The following MAL2 variants were observed in gnomAD, a reference collection of about 807,000 sequenced individuals.
MAL2 encodes protein MAL2.
Under a neutral mutation model 18.1 loss-of-function variants are expected in MAL2, and 17 were observed. The ratio of observed to expected loss-of-function variants is 0.94; its 90% CI spans 0.64 to 1.41. The LOEUF (loss-of-function observed/expected upper bound fraction) is 1.41. MAL2 is among the 40% of genes most tolerant of loss of function. The probability of loss-of-function intolerance (pLI) is 0.00; values close to 1 mark genes in which losing one functional copy is unlikely to be tolerated. For synonymous variants in MAL2, 102 were observed against 102.3 expected (o/e 1.00, Z 0.02); for missense variants, 222 against 231.9 (o/e 0.96, Z 0.28).
intron 2 of MAL2, among the ~76,000 whole-genome samples, chr8:119,233,009 TA>T (rs1469813730): frequency 3.3e-4 from 2 of 5,984 alleles, no homozygotes; most frequent in Non-Finnish European, 0.024. Flanking sequence ...TACTTCCAAC[TA>T]TGTGGTCAAT....
chr8:119,240,455 C>T, intron 3 of MAL2, 135 bp downstream of exon 3: 1 of 910,304 alleles, frequency 1.1e-6, no homozygotes, highest in Non-Finnish European at 1.6e-6. Flanking sequence ...AGCTATTTAT[C>T]TGTACAATAA....
intron 2 of MAL2, among the ~76,000 whole-genome samples, chr8:119,235,593 G>A (rs896533970): frequency 2.0e-4 from 30 of 152,116 alleles, no homozygotes; most frequent in East Asian, 7.7e-4. Context: ...GACTAACAGC[G>A]GGTCTCTTGG....
At chr8:119,234,207 G>C (rs544764894) in intron 2 of MAL2, among the ~76,000 whole-genome samples, 1 of 152,280 alleles carries the variant, frequency 6.6e-6, no homozygotes, top group South Asian at 2.1e-4. Flanking sequence ...CGGACGCACC[G>C]GGAAAATCGG....
In MAL2 at chr8:119,230,447, C is replaced by G. The variant is rs374123720; in HGVS notation, c.303+8690C>G. 3.2e-3 allele frequency among the ~76,000 whole-genome samples: 434 copies of G among 136,702 alleles called. 1 individual carries two copies. The highest frequency in any genetic ancestry group is 0.011 in the African/African-American group (402 of 37,132). 89.7% of individuals were successfully genotyped at this position (136,702 alleles called of 152,430 possible). ...AGCAAAATTGGCAGGATTGGGGGGGCGGGAAGGGGCAAGCAGTAATTGCTT... is the reference window on the plus strand; with the variant it reads ...AGCAAAATTGGCAGGATTGGGGGGGGGGGAAGGGGCAAGCAGTAATTGCTT... On this transcript the variant is annotated intron_variant, in intron 2 of 3. Coordinates refer to ENST00000614891, the MANE Select transcript of MAL2 (RefSeq NM_052886.3).
intron 2 of MAL2, among the ~76,000 whole-genome samples, chr8:119,236,650 G>T (rs959681831): frequency 2.0e-4 from 30 of 151,318 alleles, no homozygotes; most frequent in South Asian, 6.3e-4. Context: ...ACTCAAAACC[G>T]CTCAACTACA....
intron 2 of MAL2, among the ~76,000 whole-genome samples, chr8:119,233,999 C>T (rs1314197191): frequency 1.3e-5 from 2 of 152,120 alleles, no homozygotes; most frequent in African/African-American, 2.4e-5. Context: ...CAGCTCCCAG[C>T]GTGAGTGACG....
chr8:119,235,138 A>G (rs1029678431), intron 2 of MAL2, among the ~76,000 whole-genome samples: 12 of 152,196 alleles, frequency 7.9e-5, no homozygotes, highest in African/African-American at 2.9e-4. Flanking sequence ...CTGAAAACCA[A>G]GGCTCGAGAA....
chr8:119,233,440 AAAG>A (rs1177306716), intron 2 of MAL2, among the ~76,000 whole-genome samples: 5 of 151,914 alleles, frequency 3.3e-5, no homozygotes, highest in African/African-American at 1.2e-4. Context: ...CAAGACTAAT[AAAG>A]AAGAAAAGAG....
chr8:119,221,874 A>G (rs1202425408), intron 2 of MAL2, 117 bp downstream of exon 2: 3 of 1,067,560 alleles, frequency 2.8e-6, no homozygotes, highest in African/African-American at 3.2e-5. Context: ...AAGCGGTCCA[A>G]CCACAGAGAC....
chr8:119,232,565 C>A (rs570639817), intron 2 of MAL2, among the ~76,000 whole-genome samples: 9 of 152,150 alleles, frequency 5.9e-5, no homozygotes, highest in Admixed American at 1.3e-4. Context: ...AGTTCTTATA[C>A]TTTTGGTGGA....
intron 1 of MAL2, among the ~76,000 whole-genome samples, chr8:119,220,706 C>A (rs1023640097): frequency 1.3e-5 from 2 of 152,038 alleles, no homozygotes; most frequent in African/African-American, 4.8e-5. Context: ...TGCCATGGAA[C>A]CCCCCTTTCC....
Position 119,232,278 on chromosome 8 carries a change from A to T in MAL2, c.304-7887A>T, listed in dbSNP as rs79032819. On this transcript the variant is annotated intron_variant, in intron 2 of 3. Transcript: ENST00000614891. ...ACTGGACTTTGGGACTAGACACACT[A>T]CATGTTTTTCTTCCTCCAAAAGTTA... Among the ~76,000 whole-genome samples the T allele has an allele frequency of 4.6e-5, 7 of 152,260 alleles. No homozygotes were observed. In the East Asian group the frequency reaches 1.4e-3, roughly 29 times the overall value.
intron 3 of MAL2, among the ~76,000 whole-genome samples, chr8:119,241,425 A>C (rs552912081): frequency 6.6e-6 from 1 of 152,162 alleles, no homozygotes; most frequent in Non-Finnish European, 1.5e-5. Context: ...CTGTAGTGCT[A>C]CCTACTCAGG....
At chr8:119,210,968 A>C (rs1817259324) in intron 1 of MAL2, among the ~76,000 whole-genome samples, 1 of 152,208 alleles carries the variant, frequency 6.6e-6, no homozygotes, top group Admixed American at 6.5e-5. Flanking sequence ...ACTAGAGTCA[A>C]ACTATAGCTC....
intron 2 of MAL2, among the ~76,000 whole-genome samples, chr8:119,229,283 T>C (rs1280966519): frequency 2.0e-5 from 3 of 150,914 alleles, no homozygotes; most frequent in African/African-American, 7.3e-5. Flanking sequence ...CTATTGATCA[T>C]CAGTCTATGT....
chr8:119,208,710 C>T lies in MAL2; in HGVS notation c.132+106C>T. 8.3e-7 allele frequency: 1 copy of T among 1,211,480 alleles called. No individual in the cohort carries two copies. Among genetic ancestry groups the T allele is most frequent in the Non-Finnish European group, 1.0e-6 (1 of 974,104 alleles). 75.0% of individuals were successfully genotyped at this position (1,211,480 alleles called of 1,614,324 possible). ...CTGCGTCCGCCCCCGGCCTCCTTCC[C>T]TTCGACGTGGCTTTGTCCTGCGCTC... is the stretch of plus-strand genomic sequence containing the variant. On this transcript the variant is annotated intron_variant, in intron 1 of 3. Coordinates refer to ENST00000614891, the MANE Select transcript of MAL2 (RefSeq NM_052886.3). The surrounding 1 kb of genome is among the most constrained non-coding windows in gnomAD (Gnocchi z 4.3).
chr8:119,211,957 C>T (rs1216860349), intron 1 of MAL2, among the ~76,000 whole-genome samples: 2 of 152,074 alleles, frequency 1.3e-5, no homozygotes, highest in Non-Finnish European at 2.9e-5. Flanking sequence ...TACTGAATAC[C>T]TACTATGTGC....
At chr8:119,241,101 C>T (rs1334806391) in intron 3 of MAL2, among the ~76,000 whole-genome samples, 1 of 152,096 alleles carries the variant, frequency 6.6e-6, no homozygotes, top group Non-Finnish European at 1.5e-5. Flanking sequence ...ATAAATAACC[C>T]AGTACTCATA....
rs370532293 is a variant in MAL2 at position 119,220,577 on chromosome 8, C to G, written c.133-1010C>G. On this transcript the variant is annotated intron_variant, in intron 1 of 3. Transcript: ENST00000614891. Reference sequence around the variant, plus strand: ...TTAGGTGAAGTTCAGTTCCTTGGCCCGAGCTTCAGCACCTCCTCGCTCAGT... The same window carrying G: ...TTAGGTGAAGTTCAGTTCCTTGGCCGGAGCTTCAGCACCTCCTCGCTCAGT... Among the ~76,000 whole-genome samples the G allele has an allele frequency of 3.9e-5, 6 of 152,226 alleles. 1 individual carries two copies. Among genetic ancestry groups the G allele is most frequent in the Admixed American group, 3.9e-4 (6 of 15,296 alleles).
Sources: gnomAD v4.1 joint callset for allele counts (sites outside exome capture counted in the v4.1 genomes callset) on GRCh38, gnomAD v4.1.1 for gene constraint, Gnocchi (gnomAD v3.1) non-coding constraint, MANE v1.5 for transcripts, NCBI Gene and HGNC (gene_info 2026-07-23, HGNC 2026-07-21) for gene names.